Variants in GDE1 observed in about 807,000 individuals in gnomAD.
GDE1 encodes glycerophosphodiester phosphodiesterase 1, also known as RGS16-interacting membrane protein.
GDE1 carries 24 observed loss-of-function variants against 32.2 expected under a neutral mutation model. That is an observed-to-expected ratio of 0.75 (90% CI 0.54 to 1.05). The LOEUF (loss-of-function observed/expected upper bound fraction) is 1.05, where lower values mean the gene tolerates loss of function less well. GDE1 is among the 50% of genes least tolerant of loss of function. The pLI, the probability that GDE1 is intolerant of heterozygous loss-of-function variation, is 0.00. For missense variants in GDE1, 380 were observed against 415.0 expected, an observed-to-expected ratio of 0.92 and a Z score of 0.73; for synonymous variants, 159 against 158.6, an observed-to-expected ratio of 1.00 and a Z score of -0.02.
intron 2 of GDE1, among the ~76,000 whole-genome samples, chr16:19,514,895 C>T (rs1969361223): frequency 6.6e-6 from 1 of 151,886 alleles, no homozygotes. Context: ...GGCGAAACCC[C>T]GTTTCTACTA....
At chr16:19,512,933 G>A (rs1597235104) in intron 2 of GDE1, among the ~76,000 whole-genome samples, 1 of 114,738 alleles carries the variant, frequency 8.7e-6, no homozygotes, top group Non-Finnish European at 2.0e-5. Context: ...TGTTTTGTGT[G>A]TGTGTGTGTG....
chr16:19,519,111 G>A (rs1405418473), intron 1 of GDE1, among the ~76,000 whole-genome samples: 3 of 152,108 alleles, frequency 2.0e-5, no homozygotes, highest in Non-Finnish European at 2.9e-5. Flanking sequence ...TGGGGCCTAT[G>A]GAACTTCTGA....
rs558011192 is a variant in GDE1, at chr16:19,503,353, T to A, written c.*117A>T. On this transcript the variant is annotated 3_prime_UTR_variant, in exon 6 of 6. Transcript: ENST00000353258. Reference sequence around the variant, plus strand: ...CAGGTAAAAATGCAGTGACCAACTATTGCATTTGTGTGAGTCACCTGATTC... The same window carrying A: ...CAGGTAAAAATGCAGTGACCAACTAATGCATTTGTGTGAGTCACCTGATTC... 4.6e-6 allele frequency: 4 copies of A among 878,774 alleles called. No individual in the cohort carries two copies. The East Asian group carries it at 9.7e-5, about 21-fold the overall frequency. The allele number at this position is 878,774 out of a possible 1,614,324, so 54.4% of individuals were successfully genotyped here.
Position 19,503,333 on chromosome 16 carries a change from A to G in GDE1, c.*137T>C, listed in dbSNP as rs1484653298. 8 of 745,460 alleles carry G rather than the reference A, an allele frequency of 1.1e-5. No homozygotes were observed. In the African/African-American group the frequency reaches 1.4e-4, roughly 13 times the overall value. 46.2% of individuals were successfully genotyped at this position (745,460 alleles called of 1,614,324 possible). The stretch of plus-strand genomic sequence containing the variant: ...CACCGGGTTTAGCTTTGGTTCAGGT[A>G]AAAATGCAGTGACCAACTATTGCAT... On this transcript the variant is annotated 3_prime_UTR_variant, in exon 6 of 6. Transcript: ENST00000353258.
intron 2 of GDE1, among the ~76,000 whole-genome samples, chr16:19,515,926 G>C (rs1969375293): frequency 6.6e-6 from 1 of 152,088 alleles, no homozygotes; most frequent in Non-Finnish European, 1.5e-5. Flanking sequence ...ACATTCCAAA[G>C]TACAGTATAT....
intron 2 of GDE1, among the ~76,000 whole-genome samples, chr16:19,514,089 T>C (rs1220105339): frequency 7.5e-6 from 1 of 133,118 alleles, no homozygotes; most frequent in East Asian, 2.6e-4. Flanking sequence ...TGTTTTTTGT[T>C]TTGTTTTGTT....
rs1288701943 is a variant in GDE1 at position 19,521,817 on chromosome 16, C to G, written c.148G>C (p.Val50Leu). 3.1e-6 allele frequency: 5 copies of G among 1,611,180 alleles called. 1 individual carries two copies. The Admixed American group carries it at 8.4e-5, about 27-fold the overall frequency. The part of the protein sequence containing the change: ...VLLRVFSFEP[V>L]PSCRALQVLK... ...ACCTGCAGGGCCCTGCAAGAGGGCACCGGCTCAAAGCTGAAGACGCGCAGT... is the reference window on the plus strand; with the variant it reads ...ACCTGCAGGGCCCTGCAAGAGGGCAGCGGCTCAAAGCTGAAGACGCGCAGT... Residue 50 changes from valine to leucine, a missense_variant, in exon 1 of 6, where the codon GTG becomes CTG. By Grantham distance (32) the Val-to-Leu change is conservative. Coordinates refer to ENST00000353258, the MANE Select transcript of GDE1 (RefSeq NM_016641.4).
At chr16:19,509,922 ATTACAGGTGT>A (rs1969296015) in intron 3 of GDE1, among the ~76,000 whole-genome samples, 1 of 152,040 alleles carries the variant, frequency 6.6e-6, no homozygotes, top group South Asian at 2.1e-4. Flanking sequence ...AAGTGCTGGG[ATTACAGGTGT>A]GAGCCACTGC....
chr16:19,515,754 G>A (rs2353914), intron 2 of GDE1, among the ~76,000 whole-genome samples: 19,391 of 151,970 alleles, frequency 0.13, 1,386 homozygotes, highest in Middle Eastern at 0.18. Context: ...AAACAGGTCT[G>A]GATCATCTTT....
At chr16:19,513,548 C>T (rs945006137) in intron 2 of GDE1, among the ~76,000 whole-genome samples, 1 of 152,086 alleles carries the variant, frequency 6.6e-6, no homozygotes, top group African/African-American at 2.4e-5. Context: ...ATCATGTTGT[C>T]AGCAAAGAGG....
At chr16:19,516,118 C>T (rs1375974491) in intron 2 of GDE1, among the ~76,000 whole-genome samples, 1 of 152,104 alleles carries the variant, frequency 6.6e-6, no homozygotes, top group East Asian at 1.9e-4. Flanking sequence ...CCTGTTTTTG[C>T]AGAACATCTT....
chr16:19,514,640 T>A (rs544174217), intron 2 of GDE1, among the ~76,000 whole-genome samples: 258 of 152,306 alleles, frequency 1.7e-3, no homozygotes, highest in African/African-American at 5.4e-3. Flanking sequence ...AAGACATAAT[T>A]TTCTGATAAA....
In GDE1 at chr16:19,511,103, A is replaced by AT. The variant is rs200614293; in HGVS notation, c.438-160dup. On this transcript the variant is annotated intron_variant, in intron 2 of 5. Transcript: ENST00000353258. ...AAGTCCAAAGATACTTTACTTTAAG[A>AT]TTTTTTTTTTTTTTTTTGAGACGGA... 3.1e-3 allele frequency among the ~76,000 whole-genome samples: 447 copies of AT among 143,406 alleles called. 1 individual carries two copies. The highest frequency in any genetic ancestry group is 5.6e-3 in the East Asian group (28 of 4,974). The allele number at this position is 143,406 out of a possible 152,430, so 94.1% of individuals were successfully genotyped here.
intron 2 of GDE1, among the ~76,000 whole-genome samples, chr16:19,515,428 T>A (rs1441703820): frequency 6.6e-6 from 1 of 152,128 alleles, no homozygotes; most frequent in African/African-American, 2.4e-5. Flanking sequence ...TTTTTGAAAA[T>A]CACAATTTTT....
chr16:19,516,959 CT>C, intron 2 of GDE1, 54 bp downstream of exon 2: 1 of 1,473,224 alleles, frequency 6.8e-7, no homozygotes, highest in Non-Finnish European at 9.5e-7. Flanking sequence ...GCACCAGTGT[CT>C]GTCATTTCCA....
At chr16:19,508,588 A>T (rs1179306142) in intron 3 of GDE1, among the ~76,000 whole-genome samples, 1 of 152,232 alleles carries the variant, frequency 6.6e-6, no homozygotes, top group Non-Finnish European at 1.5e-5. Context: ...TATCCATGTC[A>T]TGCCTCCTCT....
chr16:19,516,923 T>G (rs1424653683), intron 2 of GDE1, 91 bp downstream of exon 2: 9 of 1,116,420 alleles, frequency 8.1e-6, no homozygotes, highest in Non-Finnish European at 1.3e-6. Context: ...ACAAGACAAC[T>G]CTCCTGGGGC....
chr16:19,508,239 C>T (rs1017509317), intron 3 of GDE1, among the ~76,000 whole-genome samples: 2 of 152,140 alleles, frequency 1.3e-5, no homozygotes, highest in Non-Finnish European at 2.9e-5. Context: ...ACGCATTACC[C>T]ATCACCAATA....
intron 1 of GDE1, among the ~76,000 whole-genome samples, chr16:19,519,764 T>C (rs534371962): frequency 6.6e-6 from 1 of 152,256 alleles, no homozygotes; most frequent in East Asian, 1.9e-4. Flanking sequence ...CAGCACTCTG[T>C]AATCCACTGA....
Sources: gnomAD v4.1 joint callset for allele counts (sites outside exome capture counted in the v4.1 genomes callset) on GRCh38, gnomAD v4.1.1 for gene constraint, MANE v1.5 for transcripts, NCBI Gene and HGNC (gene_info 2026-07-23, HGNC 2026-07-21) for gene names.